Variants in PBX3 observed in about 807,000 individuals in gnomAD.
PBX3 encodes the protein PBX homeobox 3.
In PBX3, 14 loss-of-function variants were observed where a neutral mutation model predicts 48.5. The observed-to-expected ratio is 0.29, with a 90% CI of 0.19 to 0.45. The LOEUF is 0.45. Among genes scored for constraint, PBX3 ranks in the 20% least tolerant of loss-of-function variants. The pLI, the probability that PBX3 is intolerant of heterozygous loss-of-function variation, is 1.00. For synonymous variants in PBX3, 210 were observed against 200.3 expected, an observed-to-expected ratio of 1.05 and a Z score of -0.41; for missense variants, 386 against 546.7, an observed-to-expected ratio of 0.71 and a Z score of 2.93.
intron 2 of PBX3, among the ~76,000 whole-genome samples, chr9:125,792,042 ACACGCACG>A (rs34328835): frequency 0.12 from 16,794 of 143,076 alleles, 1,794 homozygotes; most frequent in African/African-American, 0.31. Context: ...CTACACACAC[ACACGCACG>A]CACGCACGCA....
intron 2 of PBX3, among the ~76,000 whole-genome samples, chr9:125,834,368 AC>A (rs1411129874): frequency 3.3e-5 from 5 of 151,832 alleles, no homozygotes; most frequent in African/African-American, 1.2e-4. Flanking sequence ...AGTGGCTAAA[AC>A]TAAGAATGGA....
chr9:125,896,825 T>C (rs1301235469), intron 2 of PBX3, among the ~76,000 whole-genome samples: 1 of 151,956 alleles, frequency 6.6e-6, no homozygotes, highest in Non-Finnish European at 1.5e-5. Flanking sequence ...GTGAACAAAG[T>C]CTCTGCATTA....
intron 2 of PBX3, among the ~76,000 whole-genome samples, chr9:125,869,982 T>C (rs1338546156): frequency 6.6e-6 from 1 of 151,792 alleles, no homozygotes; most frequent in African/African-American, 2.4e-5. Flanking sequence ...GACTCACAGT[T>C]CCACGTGTCT....
At chr9:125,957,977 A>G (rs1426036444) in intron 5 of PBX3, among the ~76,000 whole-genome samples, 1 of 152,224 alleles carries the variant, frequency 6.6e-6, no homozygotes, top group East Asian at 1.9e-4. Context: ...GGGAAACATG[A>G]GGTAAGGTCA....
intron 2 of PBX3, among the ~76,000 whole-genome samples, chr9:125,858,872 A>G (rs1839793227): frequency 6.6e-6 from 1 of 152,048 alleles, no homozygotes; most frequent in Non-Finnish European, 1.5e-5. Context: ...GCAATCCACC[A>G]TCCTTTGCCT....
At chr9:125,901,565 G>A (rs1840946800) in intron 2 of PBX3, among the ~76,000 whole-genome samples, 1 of 151,670 alleles carries the variant, frequency 6.6e-6, no homozygotes, top group Admixed American at 6.6e-5. Flanking sequence ...CTCAGTAAAG[G>A]TTTGTTGACT....
At chr9:125,899,557 T>C (rs1840892574) in intron 2 of PBX3, among the ~76,000 whole-genome samples, 2 of 146,672 alleles carry the variant, frequency 1.4e-5, no homozygotes, top group South Asian at 4.3e-4. Context: ...AGAGCACAAA[T>C]CAAACAGCTT....
chr9:125,960,948 G>C (rs62570476), intron 6 of PBX3, 99 bp downstream of exon 6: 1 of 1,075,740 alleles, frequency 9.3e-7, no homozygotes, highest in Non-Finnish European at 1.3e-6. Flanking sequence ...TGAGGACAGA[G>C]TGGACTTAAA....
chr9:125,935,363 G>T (rs1250162770), intron 4 of PBX3, 109 bp from the exon 5 acceptor site: 4 of 889,320 alleles, frequency 4.5e-6, no homozygotes, highest in Non-Finnish European at 7.0e-6. Context: ...TAGACCTTAA[G>T]GATGTTTAAA....
chr9:125,922,872 T>G (rs983464799), intron 3 of PBX3, among the ~76,000 whole-genome samples: 1 of 152,242 alleles, frequency 6.6e-6, no homozygotes, highest in Admixed American at 6.5e-5. Flanking sequence ...TTGCTTTAAG[T>G]GTATGCATCT....
rs752900950 is a variant in PBX3 at position 125,747,541 on chromosome 9, C to T, written c.88C>T (p.Pro30Ser). 1.2e-5 allele frequency: 20 copies of T among 1,604,684 alleles called. No homozygotes were observed. Among genetic ancestry groups the T allele is most frequent in the Non-Finnish European group, 1.6e-5 (19 of 1,175,874 alleles). ...SVQGGMALPP[P>S]PHGHEGADGD... ...GCAGGGGGGCATGGCCCTGCCGCCTCCCCCGCACGGCCACGAAGGGGCGGA... is the reference window on the plus strand; with the variant it reads ...GCAGGGGGGCATGGCCCTGCCGCCTTCCCCGCACGGCCACGAAGGGGCGGA... The change falls in exon 1 of 9, where the codon CCC becomes TCC. Residue 30 changes from proline (P) to serine (S), a missense_variant. Pro to Ser is a moderately conservative substitution (Grantham distance 74). Around this residue, in one of 4 missense-constraint regions of PBX3, gnomAD observed 116 missense variants for 98.2 expected, o/e 1.18. Coordinates refer to ENST00000373489, the MANE Select transcript of PBX3 (RefSeq NM_006195.6).
intron 2 of PBX3, among the ~76,000 whole-genome samples, chr9:125,844,167 G>A (rs1434069636): frequency 6.6e-6 from 1 of 151,798 alleles, no homozygotes; most frequent in African/African-American, 2.4e-5. Context: ...TTTTAAGGAA[G>A]TTTTCTATTA....
intron 2 of PBX3, among the ~76,000 whole-genome samples, chr9:125,839,693 G>C (rs1564132733): frequency 6.6e-6 from 1 of 152,164 alleles, no homozygotes; most frequent in African/African-American, 2.4e-5. Context: ...GATATGTATA[G>C]TTTTGGATTA....
At chr9:125,749,509 C>T (rs1836306970) in intron 2 of PBX3, 1 of 150,954 alleles carries the variant, frequency 6.6e-6, no homozygotes, top group Admixed American at 6.6e-5. Context: ...ATGTGGCAAA[C>T]AAGTACATTA....
chr9:125,936,497 A>G (rs1199199059), intron 5 of PBX3, among the ~76,000 whole-genome samples: 1 of 152,230 alleles, frequency 6.6e-6, no homozygotes, highest in Non-Finnish European at 1.5e-5. Flanking sequence ...TAGGGGTCAC[A>G]TGAAACCACT....
intron 2 of PBX3, among the ~76,000 whole-genome samples, chr9:125,787,216 T>A (rs1837481181): frequency 6.6e-6 from 1 of 152,114 alleles, no homozygotes; most frequent in African/African-American, 2.4e-5. Flanking sequence ...ATTTATTTAT[T>A]TACTTGTAGA....
intron 2 of PBX3, among the ~76,000 whole-genome samples, chr9:125,890,961 T>A (rs554354301): frequency 1.3e-5 from 2 of 152,228 alleles, no homozygotes; most frequent in African/African-American, 2.4e-5. Flanking sequence ...ACACTGAAAA[T>A]TTTTCCAAAA....
chr9:125,775,059 G>A (rs1267829121), intron 2 of PBX3, among the ~76,000 whole-genome samples: 1 of 152,020 alleles, frequency 6.6e-6, no homozygotes, highest in Non-Finnish European at 1.5e-5. Context: ...TAGAGATGGG[G>A]TTTCACCATG....
intron 2 of PBX3, among the ~76,000 whole-genome samples, chr9:125,825,358 A>G (rs1838778083): frequency 6.6e-6 from 1 of 152,228 alleles, no homozygotes; most frequent in Middle Eastern, 3.2e-3. Context: ...TATTTACTGT[A>G]TTAGAAATTT....
Sources: gnomAD v4.1 joint callset for allele counts (sites outside exome capture counted in the v4.1 genomes callset) on GRCh38, gnomAD v4.1.1 for gene constraint, gnomAD v4.1.1 regional missense constraint, MANE v1.5 for transcripts, NCBI Gene and HGNC (gene_info 2026-07-23, HGNC 2026-07-21) for gene names.